CDH2: variants seen among roughly 807,000 people sequenced by gnomAD.
The protein encoded by CDH2 is cadherin-2.
CDH2 carries 17 observed loss-of-function variants against 92.0 expected under a neutral mutation model. The ratio of observed to expected loss-of-function variants is 0.18; its 90% CI spans 0.13 to 0.28. The LOEUF is 0.28. Ranked by LOEUF, CDH2 falls within the 10% of genes least tolerant of loss-of-function variation. The probability of loss-of-function intolerance (pLI) is 1.00; values close to 1 mark genes in which losing one functional copy is unlikely to be tolerated. For synonymous variants in CDH2, 419 were observed against 415.9 expected (o/e 1.01, Z -0.09); for missense variants, 862 against 1,133.1 (o/e 0.76, Z 3.44).
chr18:27,965,990 G>GAAAAAAAAAA (rs373927434), intron 14 of CDH2, among the ~76,000 whole-genome samples: 1 of 58,660 alleles, frequency 1.7e-5, no homozygotes, highest in Non-Finnish European at 3.0e-5. Flanking sequence ...TGTCTAAAAG[G>GAAAAAAAAAA]AAAAAAAAAA....
At chr18:28,008,491 T>C (rs540802553) in intron 5 of CDH2, among the ~76,000 whole-genome samples, 7 of 152,286 alleles carry the variant, frequency 4.6e-5, no homozygotes, top group Non-Finnish European at 7.4e-5. Flanking sequence ...GGTGAATCTA[T>C]TGAAGTTTAA....
rs375175765 is a variant in CDH2, at chr18:27,963,468, G to C, written c.2403C>G (p.Ile801Met). 9 of 1,613,912 alleles carry C rather than the reference G, an allele frequency of 5.6e-6. No homozygotes were observed. Among genetic ancestry groups the C allele is most frequent in the Non-Finnish European group, 7.6e-6 (9 of 1,180,000 alleles). ...CCATTCGTCGGATTCCCACAGGCTT[G>C]ATGGCATCAGGCTCCACAGTGTCAG... ...QQPDTVEPDAIKPVGIRRMDE... is the reference protein window; with the variant it reads ...QQPDTVEPDAMKPVGIRRMDE... Residue 801 changes from isoleucine (I) to methionine (M), a missense_variant, in exon 15 of 16, where the codon ATC becomes ATG. Physicochemically the swap from Ile to Met is conservative, Grantham distance 10. Coordinates refer to ENST00000269141, the MANE Select transcript of CDH2 (RefSeq NM_001792.5).
At chr18:27,934,393 C>A (rs1598973583) in intron 6 of CDH2, among the ~76,000 whole-genome samples, 1 of 152,104 alleles carries the variant, frequency 6.6e-6, no homozygotes, top group Non-Finnish European at 1.5e-5. Context: ...AATGAAGGTT[C>A]CATTACTGCA....
At chr18:28,132,546 A>C (rs1354006571) in intron 2 of CDH2, among the ~76,000 whole-genome samples, 1 of 152,106 alleles carries the variant, frequency 6.6e-6, no homozygotes, top group African/African-American at 2.4e-5. Flanking sequence ...AGGGAGCAAC[A>C]ATTCCCTAAA....
chr18:28,019,497 T>G (rs2013349814), intron 2 of CDH2, among the ~76,000 whole-genome samples: 3 of 152,062 alleles, frequency 2.0e-5, no homozygotes, highest in Non-Finnish European at 4.4e-5. Flanking sequence ...TTATTTGGAT[T>G]CAGGTGTCAC....
rs1598530554 is a variant in CDH2 at position 28,176,972 on chromosome 18, G to C, written c.51C>G (p.Ala17=). ...GGGGACCGCCGCGTACCTGAAGCAG[G>C]GCCGCCAGCAGCGGCAGCAGGGTCC... ...ALRTLLPLLA[A]LLQASVEASG... Residue 17 remains alanine, a synonymous_variant, in exon 1 of 16, where the codon GCC becomes GCG. Transcript: ENST00000269141. 1 of 1,430,846 alleles carries C rather than the reference G, an allele frequency of 7.0e-7. No individual in the cohort carries two copies. The highest frequency in any genetic ancestry group is 9.2e-7 in the Non-Finnish European group (1 of 1,090,418). The allele number at this position is 1,430,846 out of a possible 1,614,324, so 88.6% of individuals were successfully genotyped here.
chr18:28,072,446 G>A (rs2014637169), intron 2 of CDH2, among the ~76,000 whole-genome samples: 1 of 152,072 alleles, frequency 6.6e-6, no homozygotes, highest in African/African-American at 2.4e-5. Flanking sequence ...GATCCCACCT[G>A]GCATAGTTGT....
At chr18:28,110,043 C>T (rs1398378578) in intron 2 of CDH2, among the ~76,000 whole-genome samples, 1 of 152,114 alleles carries the variant, frequency 6.6e-6, no homozygotes, top group Non-Finnish European at 1.5e-5. Context: ...ATATGGTGTC[C>T]TTTTCTGAGG....
At chr18:28,034,984 A>G (rs1334726406) in intron 2 of CDH2, among the ~76,000 whole-genome samples, 1 of 152,022 alleles carries the variant, frequency 6.6e-6, no homozygotes, top group Non-Finnish European at 1.5e-5. Context: ...AACAGGTGTA[A>G]CTCTGGAAAA....
chr18:28,000,513 A>G (rs1461456610), intron 7 of CDH2, among the ~76,000 whole-genome samples: 1 of 152,182 alleles, frequency 6.6e-6, no homozygotes, highest in Non-Finnish European at 1.5e-5. Flanking sequence ...TAATACACTG[A>G]AAGTCAAACA....
chr18:28,002,814 T>C (rs1186464685), intron 7 of CDH2, among the ~76,000 whole-genome samples, 183 bp downstream of exon 7: 2 of 152,206 alleles, frequency 1.3e-5, no homozygotes, highest in Non-Finnish European at 2.9e-5. Context: ...ATCCAGTATA[T>C]ATACATCATT....
intron 14 of CDH2, among the ~76,000 whole-genome samples, chr18:27,977,649 CAG>C (rs920516247): frequency 6.6e-6 from 1 of 152,058 alleles, no homozygotes; most frequent in African/African-American, 2.4e-5. Context: ...GCTGTAAACA[CAG>C]TCATTACCTG....
chr18:27,970,518 T>G (rs756787392), intron 14 of CDH2, among the ~76,000 whole-genome samples: 28 of 152,226 alleles, frequency 1.8e-4, no homozygotes, highest in Non-Finnish European at 3.5e-4. Context: ...TATTATTTGT[T>G]TTAGGATAAA....
chr18:28,115,715 C>A (rs748640746), intron 2 of CDH2, among the ~76,000 whole-genome samples: 23 of 152,134 alleles, frequency 1.5e-4, no homozygotes, highest in Admixed American at 3.3e-4. Flanking sequence ...AAAATGATGA[C>A]TTCCATTTAT....
intron 2 of CDH2, among the ~76,000 whole-genome samples, chr18:28,053,963 T>C (rs544118064): frequency 1.3e-5 from 2 of 152,128 alleles, no homozygotes; most frequent in African/African-American, 4.8e-5. Flanking sequence ...CCTAACCTTT[T>C]AGGTTTCTGA....
chr18:27,960,779 G>C (rs1049852992), intron 15 of CDH2, among the ~76,000 whole-genome samples: 3 of 152,168 alleles, frequency 2.0e-5, no homozygotes, highest in Non-Finnish European at 4.4e-5. Context: ...TTCAAATTAG[G>C]AAGAGATTGT....
At chr18:28,158,581 C>T (rs1029743799) in intron 1 of CDH2, among the ~76,000 whole-genome samples, 1 of 152,196 alleles carries the variant, frequency 6.6e-6, no homozygotes, top group African/African-American at 2.4e-5. Flanking sequence ...TTCCACTGCC[C>T]AGTCAGTGTT....
intron 2 of CDH2, among the ~76,000 whole-genome samples, chr18:28,059,547 T>A: frequency 6.6e-6 from 1 of 152,370 alleles, no homozygotes; most frequent in East Asian, 1.9e-4. Context: ...TTAAACTCTA[T>A]AACTAACTTC....
intron 6 of CDH2, among the ~76,000 whole-genome samples, chr18:27,939,298 G>C (rs988205004): frequency 6.6e-6 from 1 of 152,072 alleles, no homozygotes; most frequent in Non-Finnish European, 1.5e-5. Context: ...GTGTCCTTAA[G>C]AGCTACATTA....
Sources: gnomAD v4.1 joint callset for allele counts (sites outside exome capture counted in the v4.1 genomes callset) on GRCh38, gnomAD v4.1.1 for gene constraint, MANE v1.5 for transcripts, NCBI Gene and HGNC (gene_info 2026-07-23, HGNC 2026-07-21) for gene names.